MAGI3: variants seen among roughly 807,000 people sequenced by gnomAD.
The protein encoded by MAGI3 is membrane-associated guanylate kinase, WW and PDZ domain-containing protein 3.
In MAGI3, 43 loss-of-function variants were observed where a neutral mutation model predicts 121.8. That is an observed-to-expected ratio of 0.35 (90% CI 0.28 to 0.46). The LOEUF (loss-of-function observed/expected upper bound fraction) is 0.46, where lower values mean the gene tolerates loss of function less well. Ranked by LOEUF, MAGI3 falls within the 20% of genes least tolerant of loss-of-function variation. The probability of loss-of-function intolerance (pLI) is 1.00; values close to 1 mark genes in which losing one functional copy is unlikely to be tolerated. For synonymous variants in MAGI3, 553 were observed against 639.3 expected (o/e 0.86, Z 2.04); for missense variants, 1,547 against 1,797.3 (o/e 0.86, Z 2.52).
intron 1 of MAGI3, among the ~76,000 whole-genome samples, chr1:113,467,577 G>T (rs953763137): frequency 1.3e-5 from 2 of 152,110 alleles, no homozygotes; most frequent in African/African-American, 4.8e-5. Context: ...CTGTCACTCA[G>T]GCTGGAGCAC....
chr1:113,525,871 G>A (rs965643016), intron 1 of MAGI3, among the ~76,000 whole-genome samples: 11 of 151,908 alleles, frequency 7.2e-5, no homozygotes, highest in African/African-American at 1.9e-4. Context: ...ATGTGGTGGC[G>A]CATGCCTGTA....
intron 9 of MAGI3, among the ~76,000 whole-genome samples, chr1:113,636,406 C>A (rs1652027481): frequency 2.0e-5 from 3 of 152,196 alleles, no homozygotes; most frequent in African/African-American, 7.2e-5. Flanking sequence ...TGAATGTGTC[C>A]CAGAGATTCT....
At chr1:113,628,435 T>G (rs1028709099) in intron 9 of MAGI3, among the ~76,000 whole-genome samples, 1 of 152,202 alleles carries the variant, frequency 6.6e-6, no homozygotes, top group Non-Finnish European at 1.5e-5. Context: ...TGTTTAGTCT[T>G]TCTACCTAAG....
rs1393971074 is a variant in MAGI3, at chr1:113,646,591, T to C, written c.2104T>C (p.Leu702=). The change falls in exon 12 of 21, where the codon TTG becomes CTG. Residue 702 remains leucine (L), a synonymous_variant. Transcript: ENST00000307546. ...PSIIRSGSPK[L]DPSEVYLKSK... ...CATTATCAGGTCAGGATCCCCAAAA[T>C]TGGATCCTTCTGAGGTCTACCTGAA... 8 of 1,613,174 alleles carry C rather than the reference T, an allele frequency of 5.0e-6. No individual in the cohort carries two copies. Among genetic ancestry groups the C allele is most frequent in the East Asian group, 2.2e-5 (1 of 44,852 alleles).
intron 1 of MAGI3, among the ~76,000 whole-genome samples, chr1:113,444,182 A>G (rs557737047): frequency 8.5e-5 from 13 of 152,356 alleles, no homozygotes; most frequent in African/African-American, 3.1e-4. Flanking sequence ...CAGGTGTTCC[A>G]GAAACAGTTT....
chr1:113,402,483 C>G (rs1190405334), intron 1 of MAGI3, among the ~76,000 whole-genome samples: 3 of 152,040 alleles, frequency 2.0e-5, no homozygotes, highest in Non-Finnish European at 4.4e-5. Flanking sequence ...TTTTTCCTAT[C>G]GGAGATTCTT....
intron 9 of MAGI3, among the ~76,000 whole-genome samples, chr1:113,637,130 C>A (rs1299727102): frequency 2.0e-5 from 3 of 152,046 alleles, no homozygotes; most frequent in African/African-American, 7.2e-5. Context: ...TGTCTCTGCA[C>A]GTGAGATGGG....
At chr1:113,517,978 A>T (rs1208838692) in intron 1 of MAGI3, among the ~76,000 whole-genome samples, 1 of 151,994 alleles carries the variant, frequency 6.6e-6, no homozygotes, top group African/African-American at 2.4e-5. Flanking sequence ...TCTTAATCTT[A>T]TAATGGTTCC....
intron 4 of MAGI3, among the ~76,000 whole-genome samples, chr1:113,589,265 A>G (rs539277131): frequency 1.3e-5 from 2 of 152,242 alleles, no homozygotes; most frequent in South Asian, 2.1e-4. Context: ...GTATGAAATA[A>G]TTATCTTGGA....
chr1:113,619,396 G>A (rs2101784055), intron 7 of MAGI3, among the ~76,000 whole-genome samples: 1 of 152,226 alleles, frequency 6.6e-6, no homozygotes, highest in East Asian at 1.9e-4. Flanking sequence ...ATCATTAACT[G>A]CCTTTTTTAA....
intron 1 of MAGI3, among the ~76,000 whole-genome samples, chr1:113,448,780 G>A (rs749660946): frequency 5.3e-5 from 8 of 151,890 alleles, no homozygotes; most frequent in Non-Finnish European, 1.0e-4. Flanking sequence ...CACCATACCC[G>A]GCCCTCGATG....
At chr1:113,486,340 A>G (rs2101573337) in intron 1 of MAGI3, among the ~76,000 whole-genome samples, 1 of 152,280 alleles carries the variant, frequency 6.6e-6, no homozygotes, top group Non-Finnish European at 1.5e-5. Flanking sequence ...CTCATCCATG[A>G]GCATGGGATG....
At chr1:113,511,412 C>G (rs934243804) in intron 1 of MAGI3, among the ~76,000 whole-genome samples, 1 of 152,202 alleles carries the variant, frequency 6.6e-6, no homozygotes, top group Non-Finnish European at 1.5e-5. Context: ...ACAAATGCTT[C>G]GTGCTGCAAA....
intron 1 of MAGI3, among the ~76,000 whole-genome samples, chr1:113,512,633 A>G (rs1339144540): frequency 1.3e-5 from 2 of 152,308 alleles, no homozygotes; most frequent in Non-Finnish European, 2.9e-5. Flanking sequence ...TCTCAAAATA[A>G]TAAGAGCTAT....
At chr1:113,608,181 A>G (rs1446171976) in intron 6 of MAGI3, among the ~76,000 whole-genome samples, 2 of 152,106 alleles carry the variant, frequency 1.3e-5, no homozygotes, top group African/African-American at 4.8e-5. Context: ...TCATCTGTAT[A>G]TCCTTTCAGT....
chr1:113,640,909 T>TTTA (rs1652417874), intron 9 of MAGI3, among the ~76,000 whole-genome samples: 2 of 121,438 alleles, frequency 1.6e-5, no homozygotes, highest in African/African-American at 6.4e-5. Flanking sequence ...ATATATATAT[T>TTTA]TATATATGAT....
intron 19 of MAGI3, among the ~76,000 whole-genome samples, chr1:113,680,420 C>A (rs1424898109): frequency 1.3e-5 from 2 of 152,130 alleles, no homozygotes; most frequent in Admixed American, 1.3e-4. Flanking sequence ...GGTTTACTCA[C>A]GCATAAAAAC....
intron 1 of MAGI3, among the ~76,000 whole-genome samples, chr1:113,420,336 A>G (rs1372990573): frequency 6.6e-6 from 1 of 152,222 alleles, no homozygotes; most frequent in South Asian, 2.1e-4. Context: ...AAGGAATTCA[A>G]CTTTTACTCC....
intron 18 of MAGI3, 63 bp downstream of exon 18, chr1:113,672,804 G>C: frequency 2.0e-6 from 3 of 1,532,304 alleles, no homozygotes; most frequent in East Asian, 4.7e-5. Context: ...TGGCATTGGT[G>C]AATTTTTATT....
Sources: gnomAD v4.1 joint callset for allele counts (sites outside exome capture counted in the v4.1 genomes callset) on GRCh38, gnomAD v4.1.1 for gene constraint, MANE v1.5 for transcripts, NCBI Gene and HGNC (gene_info 2026-07-23, HGNC 2026-07-21) for gene names.